The following CBL variants were observed in gnomAD, a reference collection of about 807,000 sequenced individuals.
The protein encoded by CBL is E3 ubiquitin-protein ligase CBL.
A neutral mutation model predicts 96.9 loss-of-function variants in CBL; 45 were observed. The observed-to-expected ratio is 0.46, with a 90% CI of 0.37 to 0.60. The LOEUF (loss-of-function observed/expected upper bound fraction) is 0.60. Among genes scored for constraint, CBL ranks in the 20% least tolerant of loss-of-function variants. The probability of loss-of-function intolerance (pLI) is 0.00; values close to 1 mark genes in which losing one functional copy is unlikely to be tolerated. For missense variants in CBL, 1,024 were observed against 1,143.5 expected (o/e 0.90, Z 1.51); for synonymous variants, 420 against 426.8 (o/e 0.98, Z 0.20).
At position 119,307,247 on chromosome 11, in the gene CBL, C is replaced by T. The variant is rs1381193942; in HGVS notation, c.*7466C>T. 3.4e-5 allele frequency: 8 copies of T among 232,520 alleles called. No individual in the cohort carries two copies. The highest frequency in any genetic ancestry group is 6.0e-5 in the Non-Finnish European group (7 of 117,352). The allele number at this position is 232,520 out of a possible 1,614,324, so 14.4% of individuals were successfully genotyped here. On this transcript the variant is annotated 3_prime_UTR_variant, in exon 16 of 16. Transcript: ENST00000264033. ...GTTATCAGGTTGCATGCCTTGTCTC[C>T]TGCAAAAGACAGAATGTTTCACAAT...
rs1329080078 is a variant in CBL, at chr11:119,301,571, C to G, written c.*1790C>G. Reference sequence around the variant, plus strand: ...TCTTTGGAACTAAAACTTGTTCTAACTCGTCTCTTGGCATTCAGCTACTCC... The same window carrying G: ...TCTTTGGAACTAAAACTTGTTCTAAGTCGTCTCTTGGCATTCAGCTACTCC... On this transcript the variant is annotated 3_prime_UTR_variant, in exon 16 of 16. Coordinates refer to ENST00000264033, the MANE Select transcript of CBL (RefSeq NM_005188.4). 8 of 233,192 alleles carry G rather than the reference C, an allele frequency of 3.4e-5. No homozygotes were observed. The East Asian group carries it at 4.8e-4, about 14-fold the overall frequency. The allele number at this position is 233,192 out of a possible 1,614,324, so 14.4% of individuals were successfully genotyped here.
At position 119,274,888 on chromosome 11, in the gene CBL, C is replaced by T; in HGVS notation, c.804C>T (p.Tyr268=). 3 of 1,613,912 alleles carry T rather than the reference C, an allele frequency of 1.9e-6. No homozygotes were observed. Among genetic ancestry groups the T allele is most frequent in the Non-Finnish European group, 2.5e-6 (3 of 1,179,836 alleles). ...WNSLAVTHPG[Y]MAFLTYDEVK... ...GCCTTGCTGTAACTCATCCTGGCTA[C>T]ATGGCTTTTTTGACGTATGACGAAG... Residue 268 remains tyrosine, a synonymous_variant, in exon 5 of 16, where the codon TAC becomes TAT. Coordinates refer to ENST00000264033, the MANE Select transcript of CBL (RefSeq NM_005188.4).
chr11:119,239,162 G>A (rs1362739549), intron 2 of CBL, among the ~76,000 whole-genome samples: 1 of 152,040 alleles, frequency 6.6e-6, no homozygotes, highest in African/African-American at 2.4e-5. Context: ...GTAGACACGA[G>A]GTTTCGTCGT....
rs763756632 is a variant in CBL at position 119,299,543 on chromosome 11, C to T, written c.2483C>T (p.Pro828Leu). The T allele has an allele frequency of 3.1e-6, 5 of 1,614,024 alleles. No homozygotes were observed. Among genetic ancestry groups the T allele is most frequent in the South Asian group, 1.1e-5 (1 of 91,090 alleles). ...CCCGAGAGGCCTCCAAAACCATTCC[C>T]GCGGAGAATCAACTCTGAACGGAAA... is the stretch of plus-strand genomic sequence containing the variant. ...QVPERPPKPF[P>L]RRINSERKAG... The change falls in exon 16 of 16, where the codon CCG becomes CTG. Residue 828 changes from proline (P) to leucine (L), a missense_variant. Transcript: ENST00000264033.
rs192977732 is a variant in CBL, at chr11:119,267,234, G to A, written c.444-4501G>A. ...CAGGCTTTTTGGAGGGATGCATTCTGGAGTAGGAAAATGTCTTAAATTGAT... is the reference window on the plus strand; with the variant it reads ...CAGGCTTTTTGGAGGGATGCATTCTAGAGTAGGAAAATGTCTTAAATTGAT... On this transcript the variant is annotated intron_variant, in intron 2 of 15. Coordinates refer to ENST00000264033, the MANE Select transcript of CBL (RefSeq NM_005188.4). Among the ~76,000 whole-genome samples, 81 of 152,244 alleles carry A rather than the reference G, an allele frequency of 5.3e-4. 1 individual carries two copies. The East Asian group carries it at 0.015, about 28-fold the overall frequency.
intron 2 of CBL, among the ~76,000 whole-genome samples, chr11:119,259,268 CCTTT>C (rs1949734059): frequency 1.3e-5 from 2 of 151,920 alleles, no homozygotes; most frequent in Middle Eastern, 3.4e-3. Context: ...ATTTGGGTGC[CCTTT>C]CTTTCTCTTG....
chr11:119,271,655 A>T, intron 2 of CBL, 80 bp from the exon 3 acceptor site: 1 of 1,138,068 alleles, frequency 8.8e-7, no homozygotes. Context: ...TGTTAATTAT[A>T]CATCTTGTAT....
At chr11:119,284,455 C>T (rs190940707) in intron 9 of CBL, among the ~76,000 whole-genome samples, 45 of 152,000 alleles carry the variant, frequency 3.0e-4, no homozygotes, top group African/African-American at 8.4e-4. Context: ...CACCATGGCC[C>T]AGCTAATTTT....
intron 2 of CBL, among the ~76,000 whole-genome samples, chr11:119,243,549 C>T (rs1254408927): frequency 3.6e-5 from 5 of 138,486 alleles, no homozygotes; most frequent in African/African-American, 1.1e-4. Context: ...TGAAGAGTAA[C>T]GATATGACAA....
At chr11:119,216,379 T>C (rs1949360390) in intron 1 of CBL, among the ~76,000 whole-genome samples, 1 of 151,160 alleles carries the variant, frequency 6.6e-6, no homozygotes, top group Non-Finnish European at 1.5e-5. Context: ...TTTATTTATT[T>C]ATTTATTTTT....
chr11:119,207,156 A>T (rs182787932), intron 1 of CBL, among the ~76,000 whole-genome samples: 14 of 152,246 alleles, frequency 9.2e-5, no homozygotes, highest in Admixed American at 8.5e-4. Context: ...TTTCTCATTA[A>T]GATGTAACAC....
intron 2 of CBL, among the ~76,000 whole-genome samples, chr11:119,264,932 C>T (rs1006817884): frequency 2.0e-5 from 3 of 152,000 alleles, no homozygotes; most frequent in East Asian, 1.9e-4. Context: ...GCTGGAGTGC[C>T]GTGGTACGAT....
At chr11:119,221,116 C>T (rs985059024) in intron 1 of CBL, among the ~76,000 whole-genome samples, 5 of 151,788 alleles carry the variant, frequency 3.3e-5, no homozygotes, top group South Asian at 4.2e-4. Context: ...TGGTAGTGCG[C>T]GCCTGTAGTC....
intron 11 of CBL, among the ~76,000 whole-genome samples, chr11:119,286,816 T>G (rs1278541590): frequency 6.6e-6 from 1 of 152,204 alleles, no homozygotes; most frequent in Non-Finnish European, 1.5e-5. Flanking sequence ...TAACAAAAAG[T>G]CTTGCCCTCA....
rs398017760 is a variant in CBL, at chr11:119,283,625, C to CTT, written c.1432-1315_1432-1314dup. Among the ~76,000 whole-genome samples the CTT allele has an allele frequency of 9.0e-4, 41 of 45,522 alleles. 2 individuals are homozygous for CTT. The highest frequency in any genetic ancestry group is 1.4e-3 in the South Asian group (1 of 702). The allele number at this position is 45,522 out of a possible 152,430, so 29.9% of individuals were successfully genotyped here. On this transcript the variant is annotated intron_variant, in intron 9 of 15. Coordinates refer to ENST00000264033, the MANE Select transcript of CBL (RefSeq NM_005188.4). ...AAATATTAATCCTTTTTAATTCTTT[C>CTT]TTTTTTTTTTTTTTTTTTTTTTTTT...
chr11:119,243,903 A>T (rs1438843307), intron 2 of CBL, among the ~76,000 whole-genome samples: 4 of 151,664 alleles, frequency 2.6e-5, no homozygotes, highest in Non-Finnish European at 4.4e-5. Context: ...TCGTTTTTAA[A>T]TTTTTTGTGG....
intron 9 of CBL, among the ~76,000 whole-genome samples, chr11:119,282,785 T>G (rs1949947355): frequency 6.6e-6 from 1 of 152,078 alleles, no homozygotes; most frequent in Admixed American, 6.5e-5. Context: ...TTCACTAGGT[T>G]GTTTTAATAA....
chr11:119,215,757 A>T (rs1365797436), intron 1 of CBL, among the ~76,000 whole-genome samples: 2 of 151,770 alleles, frequency 1.3e-5, no homozygotes, highest in Non-Finnish European at 2.9e-5. Flanking sequence ...AACTTGGGAG[A>T]TAGAGGCTAC....
intron 1 of CBL, among the ~76,000 whole-genome samples, chr11:119,220,367 G>A (rs1466945200): frequency 6.6e-6 from 1 of 152,166 alleles, no homozygotes; most frequent in African/African-American, 2.4e-5. Context: ...CCAGCACTTT[G>A]AGAGATTATG....
Sources: gnomAD v4.1 joint callset for allele counts (sites outside exome capture counted in the v4.1 genomes callset) on GRCh38, gnomAD v4.1.1 for gene constraint, MANE v1.5 for transcripts, NCBI Gene and HGNC (gene_info 2026-07-23, HGNC 2026-07-21) for gene names.